The following FGF14 variants were observed in gnomAD, a reference collection of about 807,000 sequenced individuals.
FGF14 encodes fibroblast growth factor homologous factor 4.
FGF14 carries 5 observed loss-of-function variants against 25.5 expected under a neutral mutation model. The ratio of observed to expected loss-of-function variants is 0.20; its 90% confidence interval spans 0.10 to 0.41. The LOEUF (loss-of-function observed/expected upper bound fraction) is 0.41. FGF14 is among the 10% of genes least tolerant of loss of function. The pLI, the probability that FGF14 is intolerant of heterozygous loss-of-function variation, is 1.00. For synonymous variants in FGF14, 138 were observed against 118.3 expected, an observed-to-expected ratio of 1.17 and a Z score of -1.08; for missense variants, 222 against 320.1, an observed-to-expected ratio of 0.69 and a Z score of 2.34.
At chr13:102,155,747 A>T (rs1345668472) in intron 1 of FGF14, among the ~76,000 whole-genome samples, 1 of 152,184 alleles carries the variant, frequency 6.6e-6, no homozygotes, top group Non-Finnish European at 1.5e-5. Context: ...AAGATCAACA[A>T]AATTGATAGA....
intron 1 of FGF14, among the ~76,000 whole-genome samples, chr13:102,338,612 G>A (rs2138883292): frequency 6.6e-6 from 1 of 152,230 alleles, no homozygotes; most frequent in South Asian, 2.1e-4. Flanking sequence ...GGAAACAAAA[G>A]TGAGAAACAA....
intron 1 of FGF14, among the ~76,000 whole-genome samples, chr13:102,325,358 A>T (rs926950348): frequency 5.9e-5 from 9 of 152,208 alleles, no homozygotes; most frequent in Non-Finnish European, 7.3e-5. Context: ...TTTTATTAAG[A>T]AAAAACAATA....
chr13:101,832,651 A>C (rs1330742045), intron 3 of FGF14, among the ~76,000 whole-genome samples: 2 of 152,004 alleles, frequency 1.3e-5, no homozygotes, highest in Non-Finnish European at 2.9e-5. Context: ...TGAAGGTAGC[A>C]GCTGAGACTG....
At chr13:102,159,579 C>T (rs1260424620) in intron 1 of FGF14, among the ~76,000 whole-genome samples, 1 of 152,198 alleles carries the variant, frequency 6.6e-6, no homozygotes, top group African/African-American at 2.4e-5. Flanking sequence ...AGGCAGAGCT[C>T]ATCGTGCACT....
intron 1 of FGF14, among the ~76,000 whole-genome samples, chr13:102,013,150 G>C (rs1423723593): frequency 1.3e-5 from 2 of 151,916 alleles, no homozygotes; most frequent in African/African-American, 4.8e-5. Flanking sequence ...GCAGAACCCT[G>C]TCACACACAC....
At chr13:101,891,640 TTTTA>T (rs1460247140) in intron 1 of FGF14, among the ~76,000 whole-genome samples, 2 of 152,156 alleles carry the variant, frequency 1.3e-5, no homozygotes, top group Admixed American at 6.6e-5. Flanking sequence ...AATGCACTAA[TTTTA>T]TTTATGTAAA....
At position 102,236,108 on chromosome 13, in the gene FGF14, G is replaced by A. The variant is rs192170974; in HGVS notation, c.208+165363C>T. Among the ~76,000 whole-genome samples, 20 of 152,260 alleles carry A rather than the reference G, an allele frequency of 1.3e-4. 1 individual carries two copies. The highest frequency in any genetic ancestry group is 4.1e-4 in the South Asian group (2 of 4,830). On this transcript the variant is annotated intron_variant, in intron 1 of 4. Coordinates refer to the FGF14 transcript ENST00000376131. ...GACTTTTTGCTCTGTTGTCTTATAC[G>A]TAAACAAGCTTCAAACCTAAGGTGA... is the stretch of plus-strand genomic sequence containing the variant.
intron 1 of FGF14, among the ~76,000 whole-genome samples, chr13:101,999,847 C>T (rs907826746): frequency 1.3e-5 from 2 of 152,108 alleles, no homozygotes; most frequent in African/African-American, 2.4e-5. Flanking sequence ...TAGTGGTTCA[C>T]ACTATTTCTT....
At chr13:102,006,991 G>A (rs914357073) in intron 1 of FGF14, among the ~76,000 whole-genome samples, 2 of 151,548 alleles carry the variant, frequency 1.3e-5, no homozygotes, top group African/African-American at 4.8e-5. Flanking sequence ...TGATCCACCC[G>A]CCTCGGCCTC....
intron 1 of FGF14, among the ~76,000 whole-genome samples, chr13:102,198,440 C>G (rs2049466964): frequency 1.3e-5 from 2 of 152,186 alleles, no homozygotes; most frequent in Non-Finnish European, 2.9e-5. Flanking sequence ...AGATTTCAGG[C>G]AGGTGGGCCT....
At chr13:102,313,026 C>CCT (rs2055849578) in intron 1 of FGF14, among the ~76,000 whole-genome samples, 1 of 152,214 alleles carries the variant, frequency 6.6e-6, no homozygotes, top group African/African-American at 2.4e-5. Flanking sequence ...CCTACTCCTT[C>CCT]CTGAGCCACA....
intron 3 of FGF14, among the ~76,000 whole-genome samples, chr13:101,822,753 A>G (rs956635376): frequency 6.6e-6 from 1 of 152,208 alleles, no homozygotes; most frequent in African/African-American, 2.4e-5. Flanking sequence ...CCACTCTTCT[A>G]GTTATTTTAA....
chr13:102,206,327 TAATA>T (rs980614726), intron 1 of FGF14, among the ~76,000 whole-genome samples: 3 of 152,006 alleles, frequency 2.0e-5, no homozygotes, highest in African/African-American at 4.8e-5. Context: ...TTTTGTGAGC[TAATA>T]AATAAATAAA....
At chr13:101,929,906 T>C (rs2034636267) in intron 1 of FGF14, among the ~76,000 whole-genome samples, 1 of 152,194 alleles carries the variant, frequency 6.6e-6, no homozygotes, top group South Asian at 2.1e-4. Flanking sequence ...GAAGGATGAC[T>C]TTGTTTTTAA....
chr13:102,197,860 C>T (rs1035784165), intron 1 of FGF14, among the ~76,000 whole-genome samples: 2 of 152,148 alleles, frequency 1.3e-5, no homozygotes, highest in African/African-American at 4.8e-5. Flanking sequence ...AAAAGCCTCA[C>T]GGTACACAGT....
chr13:101,877,162 G>A (rs869802), intron 1 of FGF14, among the ~76,000 whole-genome samples: 64,651 of 151,814 alleles, frequency 0.43, 13,975 homozygotes, highest in African/African-American at 0.46. Flanking sequence ...CCACTCACAC[G>A]CGCCCTCATG....
chr13:102,293,750 T>C (rs1383769550), intron 1 of FGF14: 1 of 152,228 alleles, frequency 6.6e-6, no homozygotes, highest in Non-Finnish European at 1.5e-5. Flanking sequence ...CCCTTTTGTT[T>C]TGATTCTTGT....
chr13:102,048,226 T>C, intron 1 of FGF14, among the ~76,000 whole-genome samples: 1 of 152,150 alleles, frequency 6.6e-6, no homozygotes, highest in East Asian at 1.9e-4. Flanking sequence ...CCTTGCTCTG[T>C]TGTTCAAAAG....
At chr13:102,290,386 A>G (rs1054096001) in intron 1 of FGF14, among the ~76,000 whole-genome samples, 1 of 152,206 alleles carries the variant, frequency 6.6e-6, no homozygotes, top group Non-Finnish European at 1.5e-5. Context: ...ACTGGACAAT[A>G]AACTTCTGTT....
Sources: gnomAD v4.1 joint callset for allele counts (sites outside exome capture counted in the v4.1 genomes callset) on GRCh38, gnomAD v4.1.1 for gene constraint, MANE v1.5 for transcripts, NCBI Gene and HGNC (gene_info 2026-07-23, HGNC 2026-07-21) for gene names.